ADAMTSL3: variants seen among roughly 807,000 people sequenced by gnomAD.
ADAMTSL3 encodes the protein ADAMTS like 3.
In ADAMTSL3, 128 loss-of-function variants were observed where a neutral mutation model predicts 201.7. That is an observed-to-expected ratio of 0.63 (90% CI 0.55 to 0.73). The LOEUF is 0.73. ADAMTSL3 is among the 30% of genes least tolerant of loss of function. The pLI is 0.00. For synonymous variants in ADAMTSL3, 738 were observed against 748.4 expected, an observed-to-expected ratio of 0.99 and a Z score of 0.23; for missense variants, 1,990 against 2,119.6, an observed-to-expected ratio of 0.94 and a Z score of 1.20.
At chr15:83,656,591 G>A (rs902874057) in intron 2 of ADAMTSL3, among the ~76,000 whole-genome samples, 1 of 152,212 alleles carries the variant, frequency 6.6e-6, no homozygotes, top group East Asian at 1.9e-4. Flanking sequence ...GCAGATAAAT[G>A]TGTTTGCAGC....
intron 16 of ADAMTSL3, among the ~76,000 whole-genome samples, chr15:83,921,423 C>T (rs182834306): frequency 6.6e-6 from 1 of 152,076 alleles, no homozygotes; most frequent in African/African-American, 2.4e-5. Flanking sequence ...ATTTATTTTA[C>T]AACTTGGCAT....
At chr15:83,846,454 G>A (rs4073684) in intron 7 of ADAMTSL3, among the ~76,000 whole-genome samples, 4,946 of 152,270 alleles carry the variant, frequency 0.032, 273 homozygotes, top group African/African-American at 0.11. Flanking sequence ...AGCATGAGGC[G>A]AGAGGTGCAC....
intron 17 of ADAMTSL3, among the ~76,000 whole-genome samples, chr15:83,938,553 C>T (rs1236507006): frequency 6.6e-6 from 1 of 152,126 alleles, no homozygotes; most frequent in African/African-American, 2.4e-5. Context: ...CATTTCACAG[C>T]GAAGACATTT....
intron 17 of ADAMTSL3, among the ~76,000 whole-genome samples, chr15:83,942,237 A>G (rs1397744706): frequency 6.6e-6 from 1 of 152,218 alleles, no homozygotes. Context: ...TTAAACATTT[A>G]AAATTTCTTT....
intron 23 of ADAMTSL3, among the ~76,000 whole-genome samples, chr15:83,992,049 T>A (rs2067591116): frequency 6.6e-6 from 1 of 152,238 alleles, no homozygotes; most frequent in African/African-American, 2.4e-5. Flanking sequence ...ACTTTGCGTA[T>A]GCCTTTGATT....
At chr15:83,881,171 C>T (rs898456093) in intron 9 of ADAMTSL3, among the ~76,000 whole-genome samples, 1 of 152,214 alleles carries the variant, frequency 6.6e-6, no homozygotes, top group Non-Finnish European at 1.5e-5. Flanking sequence ...AGGTTAGCAA[C>T]CAGTGATCTT....
At chr15:83,804,466 T>A (rs1213797534) in intron 4 of ADAMTSL3, among the ~76,000 whole-genome samples, 184 bp from the exon 5 acceptor site, 1 of 152,162 alleles carries the variant, frequency 6.6e-6, no homozygotes, top group African/African-American at 2.4e-5. Context: ...TCCACAAGAC[T>A]TTTTGGCTCC....
In ADAMTSL3 at chr15:83,885,136, GTTC is replaced by G. The variant is rs751455032; in HGVS notation, c.1002_1004del (p.Phe335del). 1.2e-6 allele frequency: 2 copies of G among 1,614,140 alleles called. No homozygotes were observed. Among genetic ancestry groups the G allele is most frequent in the Non-Finnish European group, 8.5e-7 (1 of 1,180,008 alleles). ...CTGCAGCCAAAGACAGCGTGGTTCA[GTTC>G]TTCTTTTACCAGCCCATCAGTCATC... On this transcript the variant is annotated inframe_deletion, in exon 10 of 30. Coordinates refer to ENST00000286744, the MANE Select transcript of ADAMTSL3 (RefSeq NM_207517.3).
chr15:83,995,267 A>C (rs532909161), intron 23 of ADAMTSL3, among the ~76,000 whole-genome samples: 8 of 152,300 alleles, frequency 5.3e-5, no homozygotes, highest in African/African-American at 1.9e-4. Context: ...TCTACCACAG[A>C]GATTTAAGGA....
At chr15:83,864,070 T>C (rs368063335) in intron 8 of ADAMTSL3, among the ~76,000 whole-genome samples, 9 of 152,116 alleles carry the variant, frequency 5.9e-5, no homozygotes, top group East Asian at 3.8e-4. Flanking sequence ...CAGGAAGAAG[T>C]TGAATCTCTG....
At chr15:83,834,168 T>G (rs2064215129) in intron 6 of ADAMTSL3, among the ~76,000 whole-genome samples, 1 of 152,214 alleles carries the variant, frequency 6.6e-6, no homozygotes, top group African/African-American at 2.4e-5. Context: ...AGGCTTTATT[T>G]GGACACATTT....
chr15:83,988,887 A>ATTTTTTTTT, intron 22 of ADAMTSL3, 69 bp downstream of exon 22: 1 of 809,934 alleles, frequency 1.2e-6, no homozygotes, highest in Non-Finnish European at 1.6e-6. Context: ...TTATTTATTT[A>ATTTTTTTTT]TTTTTTTTTT....
At chr15:83,694,074 G>T (rs150425477) in intron 2 of ADAMTSL3, among the ~76,000 whole-genome samples, 1 of 152,358 alleles carries the variant, frequency 6.6e-6, no homozygotes, top group East Asian at 1.9e-4. Flanking sequence ...TCAAAGTGCA[G>T]ATTCCACTGC....
At chr15:83,885,693 T>C (rs888069218) in intron 10 of ADAMTSL3, among the ~76,000 whole-genome samples, 3 of 151,670 alleles carry the variant, frequency 2.0e-5, no homozygotes, top group African/African-American at 4.8e-5. Flanking sequence ...CCCTACTAAG[T>C]GTTAAGGGGA....
At chr15:83,751,080 T>C (rs1198643462) in intron 3 of ADAMTSL3, among the ~76,000 whole-genome samples, 1 of 152,186 alleles carries the variant, frequency 6.6e-6, no homozygotes, top group African/African-American at 2.4e-5. Context: ...ATGGAGCTTG[T>C]AGTCTAGTTC....
At position 83,677,189 on chromosome 15, in the gene ADAMTSL3, A is replaced by G. The variant is rs550549501; in HGVS notation, c.69+21359A>G. Among the ~76,000 whole-genome samples, 6 of 152,220 alleles carry G rather than the reference A, an allele frequency of 3.9e-5. No homozygotes were observed. The South Asian group carries it at 1.0e-3, about 26-fold the overall frequency. On this transcript the variant is annotated intron_variant, in intron 2 of 29. Coordinates refer to ENST00000286744, the MANE Select transcript of ADAMTSL3 (RefSeq NM_207517.3). ...TTCACTGAAGTTTGTTTTGTGTCCA[A>G]TAATATGGTCTGTTTTGGTGAATGT...
intron 4 of ADAMTSL3, among the ~76,000 whole-genome samples, chr15:83,792,055 A>G (rs967016706): frequency 1.3e-5 from 2 of 152,208 alleles, no homozygotes; most frequent in Non-Finnish European, 2.9e-5. Context: ...TGTACAACAA[A>G]GGAAACAATC....
chr15:83,860,827 G>C (rs1040741097), intron 8 of ADAMTSL3, among the ~76,000 whole-genome samples: 4 of 152,148 alleles, frequency 2.6e-5, no homozygotes, highest in Non-Finnish European at 5.9e-5. Context: ...GTGCAGGACA[G>C]TAGGTGCAGC....
chr15:83,915,275 G>A (rs960966710), intron 16 of ADAMTSL3, among the ~76,000 whole-genome samples: 1 of 152,100 alleles, frequency 6.6e-6, no homozygotes, highest in African/African-American at 2.4e-5. Flanking sequence ...CCTCAAGTTG[G>A]GAAAGCATAG....
Sources: allele counts gnomAD v4.1 joint callset (sites outside exome capture counted in the v4.1 genomes callset), GRCh38; gene constraint gnomAD v4.1.1; transcripts MANE v1.5; gene names NCBI Gene and HGNC (gene_info 2026-07-23, HGNC 2026-07-21).